DPP10: variants seen among roughly 807,000 people sequenced by gnomAD.
DPP10 encodes inactive dipeptidyl peptidase 10.
A neutral mutation model predicts 120.9 loss-of-function variants in DPP10; 33 were observed. The ratio of observed to expected loss-of-function variants is 0.27; its 90% CI spans 0.21 to 0.37. DPP10 has a LOEUF of 0.37. Among genes scored for constraint, DPP10 ranks in the 10% least tolerant of loss-of-function variants. The pLI, the probability that DPP10 is intolerant of heterozygous loss-of-function variation, is 1.00. For synonymous variants in DPP10, 337 were observed against 326.1 expected (o/e 1.03, Z -0.36); for missense variants, 816 against 942.8 (o/e 0.87, Z 1.76).
chr2:115,681,419 A>G (rs1015799684), intron 5 of DPP10, among the ~76,000 whole-genome samples: 9 of 151,834 alleles, frequency 5.9e-5, no homozygotes, highest in Non-Finnish European at 3.0e-5. Flanking sequence ...TGTTATGCAA[A>G]GTTACAAATA....
chr2:114,665,866 G>A (rs1305288302), intron 1 of DPP10, among the ~76,000 whole-genome samples: 2 of 152,118 alleles, frequency 1.3e-5, no homozygotes, highest in Non-Finnish European at 2.9e-5. Context: ...AACAAGGTCT[G>A]GGATGGTTAG....
At chr2:115,018,487 A>C (rs1702831762) in intron 1 of DPP10, among the ~76,000 whole-genome samples, 1 of 152,242 alleles carries the variant, frequency 6.6e-6, no homozygotes, top group Non-Finnish European at 1.5e-5. Context: ...ATGGATAAAG[A>C]AAATGTGACA....
chr2:115,727,709 C>A (rs188122956), intron 7 of DPP10, 107 bp from the exon 8 acceptor site: 2 of 1,248,918 alleles, frequency 1.6e-6, no homozygotes, highest in Non-Finnish European at 2.1e-6. Context: ...ACTTGAAGCC[C>A]GTAAATAATA....
chr2:115,186,163 C>T (rs1212475515), intron 1 of DPP10, among the ~76,000 whole-genome samples: 2 of 152,166 alleles, frequency 1.3e-5, no homozygotes, highest in East Asian at 1.9e-4. Context: ...CTCATCACTG[C>T]GGAGCTCCGT....
chr2:114,878,333 G>A (rs185423304), intron 1 of DPP10, among the ~76,000 whole-genome samples: 1 of 151,874 alleles, frequency 6.6e-6, no homozygotes, highest in Non-Finnish European at 1.5e-5. Context: ...ATAGTTATGG[G>A]GCACATATAT....
At chr2:115,797,990 G>C (rs1684738517) in intron 19 of DPP10, among the ~76,000 whole-genome samples, 1 of 151,520 alleles carries the variant, frequency 6.6e-6, no homozygotes, top group Non-Finnish European at 1.5e-5. Flanking sequence ...TGCACACACA[G>C]AAACACACAT....
intron 1 of DPP10, among the ~76,000 whole-genome samples, chr2:114,921,605 G>C (rs1294155987): frequency 1.3e-5 from 2 of 152,166 alleles, no homozygotes; most frequent in East Asian, 3.9e-4. Flanking sequence ...TAGAGAATAT[G>C]TAGTTTTATC....
At chr2:114,507,575 C>CT (rs1558825352) in intron 1 of DPP10, among the ~76,000 whole-genome samples, 2 of 151,868 alleles carry the variant, frequency 1.3e-5, no homozygotes, top group African/African-American at 2.4e-5. Flanking sequence ...CTGATTTTTT[C>CT]TTTTTTTAAA....
At chr2:115,130,885 C>T (rs2050320136) in intron 1 of DPP10, 2 of 152,360 alleles carry the variant, frequency 1.3e-5, no homozygotes, top group East Asian at 1.9e-4. Context: ...ATCTTGCCTT[C>T]CTATCACATA....
At chr2:115,370,844 C>T (rs186091245) in intron 3 of DPP10, among the ~76,000 whole-genome samples, 4,987 of 152,042 alleles carry the variant, frequency 0.033, 91 homozygotes, top group South Asian at 0.063. Flanking sequence ...TGGCATCTCT[C>T]GTTAAGCGCC....
At chr2:115,536,464 C>T (rs996662491) in intron 5 of DPP10, among the ~76,000 whole-genome samples, 30 of 151,834 alleles carry the variant, frequency 2.0e-4, no homozygotes, top group African/African-American at 3.1e-4. Context: ...TGTCCTGCAA[C>T]GAACACTAAT....
chr2:115,525,590 T>C (rs987032525), intron 4 of DPP10, among the ~76,000 whole-genome samples: 2 of 152,070 alleles, frequency 1.3e-5, no homozygotes, highest in Non-Finnish European at 2.9e-5. Context: ...GCATTTTGGT[T>C]ACTCAGGAAT....
chr2:115,051,489 T>C (rs1233406762), intron 1 of DPP10, among the ~76,000 whole-genome samples: 1 of 152,154 alleles, frequency 6.6e-6, no homozygotes, highest in Non-Finnish European at 1.5e-5. Flanking sequence ...AGACTGAAAC[T>C]AATGGACACT....
intron 3 of DPP10, among the ~76,000 whole-genome samples, chr2:115,378,392 T>C (rs944975102): frequency 6.6e-6 from 1 of 151,236 alleles, no homozygotes; most frequent in African/African-American, 2.5e-5. Flanking sequence ...GTGATTTTTG[T>C]ACATTGATTT....
chr2:115,784,786 C>G (rs530003024), intron 17 of DPP10, among the ~76,000 whole-genome samples: 2 of 152,256 alleles, frequency 1.3e-5, no homozygotes, highest in African/African-American at 4.8e-5. Flanking sequence ...CCAGCCACAG[C>G]CTCCCAAAGT....
chr2:115,170,077 T>A (rs1488681161), intron 1 of DPP10, among the ~76,000 whole-genome samples: 1 of 152,170 alleles, frequency 6.6e-6, no homozygotes, highest in South Asian at 2.1e-4. Context: ...AGAGACCACT[T>A]GAAGTTGCAT....
chr2:115,336,581 C>G (rs74645500), intron 2 of DPP10, among the ~76,000 whole-genome samples: 4,725 of 145,922 alleles, frequency 0.032, 85 homozygotes, highest in South Asian at 0.071. Context: ...CTCTCTCTCT[C>G]TGTCTCTCTC....
chr2:114,477,932 T>C (rs898242622), intron 1 of DPP10, among the ~76,000 whole-genome samples: 2 of 149,944 alleles, frequency 1.3e-5, no homozygotes, highest in African/African-American at 5.0e-5. Flanking sequence ...TATATGTACA[T>C]ATGTGTATAT....
chr2:114,645,110 G>A (rs1165350342), intron 1 of DPP10, among the ~76,000 whole-genome samples: 1 of 152,058 alleles, frequency 6.6e-6, no homozygotes, highest in African/African-American at 2.4e-5. Flanking sequence ...GAATAAGTGC[G>A]GGACACACTT....
Sources: allele counts gnomAD v4.1 joint callset (sites outside exome capture counted in the v4.1 genomes callset), GRCh38; gene constraint gnomAD v4.1.1; transcripts MANE v1.5; gene names NCBI Gene and HGNC (gene_info 2026-07-23, HGNC 2026-07-21).